The following NRXN3 variants were observed in gnomAD, a reference collection of about 807,000 sequenced individuals.
NRXN3 encodes neurexin III.
NRXN3 carries 32 observed loss-of-function variants against 137.6 expected under a neutral mutation model. The ratio of observed to expected loss-of-function variants is 0.23; its 90% confidence interval spans 0.18 to 0.31. NRXN3 has a LOEUF of 0.31. NRXN3 is among the 10% of genes least tolerant of loss of function. NRXN3 has a pLI of 1.00. For synonymous variants in NRXN3, 798 were observed against 784.5 expected, an observed-to-expected ratio of 1.02 and a Z score of -0.29; for missense variants, 1,574 against 2,062.5, an observed-to-expected ratio of 0.76 and a Z score of 4.59.
chr14:78,468,179 GT>G (rs1309750601), intron 4 of NRXN3, among the ~76,000 whole-genome samples: 1 of 152,130 alleles, frequency 6.6e-6, no homozygotes, highest in African/African-American at 2.4e-5. Flanking sequence ...AGTGATCTTG[GT>G]TAGGTAGATG....
intron 4 of NRXN3, among the ~76,000 whole-genome samples, chr14:78,405,525 A>C (rs916057804): frequency 2.6e-4 from 38 of 146,090 alleles, no homozygotes; most frequent in African/African-American, 9.4e-4. Context: ...CTCATCTCAG[A>C]GTGTTTGTCA....
intron 6 of NRXN3, among the ~76,000 whole-genome samples, chr14:78,652,475 T>C (rs988015295): frequency 1.3e-5 from 2 of 152,248 alleles, no homozygotes; most frequent in Non-Finnish European, 1.5e-5. Context: ...CACTGCACAT[T>C]TTAAGCTAAG....
intron 10 of NRXN3, among the ~76,000 whole-genome samples, chr14:78,898,065 T>G (rs768654164): frequency 6.6e-6 from 1 of 151,918 alleles, no homozygotes; most frequent in Non-Finnish European, 1.5e-5. Flanking sequence ...CTCCCTAATA[T>G]GCAAAAATAC....
chr14:79,281,350 C>CAT (rs2081249050), intron 15 of NRXN3, among the ~76,000 whole-genome samples: 1 of 152,116 alleles, frequency 6.6e-6, no homozygotes, highest in Non-Finnish European at 1.5e-5. Context: ...TCCAAACAAC[C>CAT]CTCCTTACAT....
intron 19 of NRXN3, among the ~76,000 whole-genome samples, chr14:79,774,002 A>T (rs2099088637): frequency 6.6e-6 from 1 of 152,086 alleles, no homozygotes; most frequent in African/African-American, 2.4e-5. Context: ...TCCCACTCTT[A>T]ACTGGGGAAA....
intron 19 of NRXN3, among the ~76,000 whole-genome samples, chr14:79,741,843 G>T (rs377584095): frequency 5.0e-4 from 75 of 151,228 alleles, no homozygotes; most frequent in African/African-American, 1.7e-3. Flanking sequence ...GTATGTATAC[G>T]TATATATCTG....
At chr14:78,805,980 A>G (rs1165130406) in intron 9 of NRXN3, among the ~76,000 whole-genome samples, 1 of 151,796 alleles carries the variant, frequency 6.6e-6, no homozygotes, top group Non-Finnish European at 1.5e-5. Flanking sequence ...CATTTCTAGA[A>G]GCATTATTTT....
chr14:79,325,946 C>A (rs2090793609), intron 15 of NRXN3, among the ~76,000 whole-genome samples: 1 of 152,188 alleles, frequency 6.6e-6, no homozygotes, highest in African/African-American at 2.4e-5. Context: ...AAAAGCTACT[C>A]TTGCTGGAAA....
chr14:78,273,888 T>C (rs984894882), intron 2 of NRXN3, among the ~76,000 whole-genome samples: 22 of 152,196 alleles, frequency 1.4e-4, no homozygotes, highest in Admixed American at 1.2e-3. Flanking sequence ...AAATCTGTAT[T>C]CTATTTTCTC....
At chr14:79,676,389 C>T (rs1473602207) in intron 17 of NRXN3, among the ~76,000 whole-genome samples, 1 of 151,940 alleles carries the variant, frequency 6.6e-6, no homozygotes, top group Non-Finnish European at 1.5e-5. Context: ...CTTTCTCTTT[C>T]TATGTATTTC....
chr14:79,502,566 C>T (rs74243803), intron 16 of NRXN3, among the ~76,000 whole-genome samples: 2 of 151,970 alleles, frequency 1.3e-5, no homozygotes, highest in East Asian at 3.9e-4. Context: ...CCTCTCTCTC[C>T]CTCTCTTCAG....
chr14:78,751,532 T>C (rs1415880543), intron 8 of NRXN3, among the ~76,000 whole-genome samples: 1 of 152,184 alleles, frequency 6.6e-6, no homozygotes, highest in Non-Finnish European at 1.5e-5. Context: ...CTAGCGCTAA[T>C]CTAAAATCAC....
At chr14:79,740,505 T>TC (rs1232681503) in intron 19 of NRXN3, among the ~76,000 whole-genome samples, 2 of 151,514 alleles carry the variant, frequency 1.3e-5, no homozygotes, top group Non-Finnish European at 2.9e-5. Context: ...TTGCCCTTTG[T>TC]CTCAATGAAT....
chr14:78,938,073 C>T (rs1267304787), intron 10 of NRXN3, among the ~76,000 whole-genome samples: 1 of 152,232 alleles, frequency 6.6e-6, no homozygotes, highest in Non-Finnish European at 1.5e-5. Flanking sequence ...ATTTATTAAT[C>T]TTCATGGAAT....
chr14:78,234,994 T>TTATATATATATATATATATATATA (rs57469863), intron 1 of NRXN3, among the ~76,000 whole-genome samples: 52 of 108,790 alleles, frequency 4.8e-4, no homozygotes, highest in African/African-American at 1.7e-3. Flanking sequence ...ACAAATGCTT[T>TTATATATATATATATATATATATA]TATATATATA....
At chr14:79,458,389 G>A (rs572246991) in intron 15 of NRXN3, among the ~76,000 whole-genome samples, 11 of 152,166 alleles carry the variant, frequency 7.2e-5, no homozygotes, top group South Asian at 2.1e-4. Flanking sequence ...ATATTTCCAC[G>A]TTGAGATGAA....
chr14:78,306,064 G>A (rs1320934246), intron 4 of NRXN3, among the ~76,000 whole-genome samples: 1 of 151,994 alleles, frequency 6.6e-6, no homozygotes, highest in Non-Finnish European at 1.5e-5. Flanking sequence ...TTTTTTGCAT[G>A]GATGTTTCTT....
intron 4 of NRXN3, among the ~76,000 whole-genome samples, chr14:78,338,537 A>G (rs2081765096): frequency 6.6e-6 from 1 of 152,204 alleles, no homozygotes; most frequent in Admixed American, 6.5e-5. Flanking sequence ...AATGACAGAA[A>G]GGGCAGAGGT....
At chr14:78,212,650 C>T (rs2062858974) in intron 1 of NRXN3, among the ~76,000 whole-genome samples, 1 of 152,156 alleles carries the variant, frequency 6.6e-6, no homozygotes, top group Non-Finnish European at 1.5e-5. Context: ...ATTCCTGTTT[C>T]CTTTCACTTT....
Sources: gnomAD v4.1 joint callset for allele counts (sites outside exome capture counted in the v4.1 genomes callset) on GRCh38, gnomAD v4.1.1 for gene constraint, MANE v1.5 for transcripts, NCBI Gene and HGNC (gene_info 2026-07-23, HGNC 2026-07-21) for gene names.